Variants in GABRG2 observed in about 807,000 individuals in gnomAD.
GABRG2 encodes the protein gamma-aminobutyric acid receptor subunit gamma-2.
A neutral mutation model predicts 56.4 loss-of-function variants in GABRG2; 16 were observed. That is an observed-to-expected ratio of 0.28 (90% CI 0.19 to 0.43). The LOEUF (loss-of-function observed/expected upper bound fraction) is 0.43. GABRG2 is among the 20% of genes least tolerant of loss of function. The probability of loss-of-function intolerance (pLI) is 1.00; values close to 1 mark genes in which losing one functional copy is unlikely to be tolerated. For missense variants in GABRG2, 327 were observed against 582.7 expected (o/e 0.56, Z 4.52); for synonymous variants, 208 against 205.5 (o/e 1.01, Z -0.10).
At chr5:162,129,594 A>T (rs576928821) in intron 6 of GABRG2, among the ~76,000 whole-genome samples, 12 of 152,102 alleles carry the variant, frequency 7.9e-5, no homozygotes, top group Non-Finnish European at 1.5e-4. Flanking sequence ...AATCTATGAG[A>T]TACAGATGAT....
intron 6 of GABRG2, among the ~76,000 whole-genome samples, chr5:162,106,882 G>A (rs1761870832): frequency 6.8e-6 from 1 of 146,356 alleles, no homozygotes; most frequent in Non-Finnish European, 1.5e-5. Context: ...GGGGGTACAT[G>A]TACAGGTTTG....
intron 6 of GABRG2, among the ~76,000 whole-genome samples, chr5:162,135,181 C>A (rs989015330): frequency 2.0e-5 from 3 of 152,084 alleles, no homozygotes; most frequent in African/African-American, 7.2e-5. Context: ...CTTTACTAAA[C>A]ATAATGCAGC....
chr5:162,102,510 T>TTTG (rs573973136), intron 5 of GABRG2: 16 of 453,908 alleles, frequency 3.5e-5, no homozygotes, highest in Non-Finnish European at 4.8e-5. Flanking sequence ...TATCATCATT[T>TTTG]TTGTTGTTGT....
intron 4 of GABRG2, among the ~76,000 whole-genome samples, chr5:162,100,730 C>T (rs1181282901): frequency 6.6e-6 from 1 of 152,112 alleles, no homozygotes; most frequent in African/African-American, 2.4e-5. Context: ...AGAATTAATG[C>T]CACACCATTG....
intron 5 of GABRG2, chr5:162,103,454 G>A (rs1761583702): frequency 6.3e-6 from 1 of 157,916 alleles, no homozygotes; most frequent in African/African-American, 2.4e-5. Context: ...CTTTGGAGAA[G>A]TTTTGAGTCT....
rs200295068 is a variant in GABRG2 at position 162,139,011 on chromosome 5, TA to T, written c.770-3142del. On this transcript the variant is annotated intron_variant, in intron 6 of 9. Coordinates refer to ENST00000639213, the MANE Select transcript of GABRG2 (RefSeq NM_198904.4). ...CGTATGGTTATTTACCACTACAACT[TA>T]AAAAAAAAAACCTGCCATTGATAGT... Among the ~76,000 whole-genome samples, 651 of 145,664 alleles carry T rather than the reference TA, an allele frequency of 4.5e-3. 8 individuals carry two copies. The highest frequency in any genetic ancestry group is 0.014 in the African/African-American group (575 of 39,928).
intron 1 of GABRG2, among the ~76,000 whole-genome samples, chr5:162,087,116 G>C (rs1760181163): frequency 6.6e-6 from 1 of 152,014 alleles, no homozygotes; most frequent in Non-Finnish European, 1.5e-5. Context: ...AATAAACTAT[G>C]ATAGGGAGGT....
At chr5:162,118,583 G>C (rs139572137) in intron 6 of GABRG2, among the ~76,000 whole-genome samples, 22 of 152,128 alleles carry the variant, frequency 1.4e-4, no homozygotes, top group African/African-American at 4.6e-4. Flanking sequence ...GAATATATTT[G>C]AGCAAAACTC....
intron 1 of GABRG2, among the ~76,000 whole-genome samples, chr5:162,079,177 A>G (rs73304508): frequency 0.015 from 2,232 of 152,250 alleles, 58 homozygotes; most frequent in African/African-American, 0.051. Context: ...ATGGTCCATG[A>G]TGGAAGTCCT....
intron 1 of GABRG2, among the ~76,000 whole-genome samples, chr5:162,069,323 CT>C (rs1417276657): frequency 6.6e-6 from 1 of 152,112 alleles, no homozygotes; most frequent in Non-Finnish European, 1.5e-5. Context: ...CTCTCATATC[CT>C]ACCAATATAA....
intron 1 of GABRG2, among the ~76,000 whole-genome samples, chr5:162,082,967 T>C (rs1188190540): frequency 6.6e-6 from 1 of 151,660 alleles, no homozygotes; most frequent in East Asian, 1.9e-4. Flanking sequence ...TTGTTTACCT[T>C]GAATCTAAAG....
At chr5:162,109,410 ATATATATATATATT>A (rs1314919385) in intron 6 of GABRG2, among the ~76,000 whole-genome samples, 1 of 138,930 alleles carries the variant, frequency 7.2e-6, no homozygotes, top group Non-Finnish European at 1.5e-5. Context: ...ATATATATAT[ATATATATATATATT>A]TATTTATATA....
In GABRG2 at chr5:162,093,909, G is replaced by T. The variant is rs774756037; in HGVS notation, c.189G>T (p.Glu63Asp). 7 of 1,613,150 alleles carry T rather than the reference G, an allele frequency of 4.3e-6. No homozygotes were observed. Among genetic ancestry groups the T allele is most frequent in the Non-Finnish European group, 5.9e-6 (7 of 1,179,516 alleles). ...KTWVLTPKVPEGDVTVILNNL... is the reference protein window; with the variant it reads ...KTWVLTPKVPDGDVTVILNNL... Reference sequence around the variant, plus strand: ...GGGTCTTGACTCCAAAAGTTCCTGAGGGTGATGTCACTGTCATCTTAAACA... The same window carrying T: ...GGGTCTTGACTCCAAAAGTTCCTGATGGTGATGTCACTGTCATCTTAAACA... The change falls in exon 2 of 10, where the codon GAG becomes GAT. Residue 63 changes from glutamate to aspartate, a missense_variant. Coordinates refer to ENST00000639213, the MANE Select transcript of GABRG2 (RefSeq NM_198904.4).
intron 1 of GABRG2, chr5:162,083,535 T>G (rs1300201266): frequency 5.4e-6 from 1 of 184,406 alleles, no homozygotes; most frequent in Non-Finnish European, 1.2e-5. Flanking sequence ...TAAATTGAGA[T>G]TTGAAAATGA....
At position 162,154,493 on chromosome 5, in the gene GABRG2, A is replaced by AT. The variant is rs1292742916; in HGVS notation, c.*1125_*1126insT. 1 of 152,208 alleles carries AT rather than the reference A, an allele frequency of 6.6e-6. No homozygotes were observed. Among genetic ancestry groups the AT allele is most frequent in the Non-Finnish European group, 1.5e-5 (1 of 68,032 alleles). 9.4% of individuals were successfully genotyped at this position (152,208 alleles called of 1,614,324 possible). Reference sequence around the variant, plus strand: ...AAACCAGTGACTCATCTTCTCACATAGGTGTTGTCAAGTGATATTTGATTT... The same window carrying AT: ...AAACCAGTGACTCATCTTCTCACATATGGTGTTGTCAAGTGATATTTGATTT... On this transcript the variant is annotated 3_prime_UTR_variant, in exon 10 of 10. Coordinates refer to ENST00000639213, the MANE Select transcript of GABRG2 (RefSeq NM_198904.4).
At chr5:162,124,338 A>T (rs1372446570) in intron 6 of GABRG2, among the ~76,000 whole-genome samples, 1 of 151,886 alleles carries the variant, frequency 6.6e-6, no homozygotes, top group African/African-American at 2.4e-5. Flanking sequence ...TTTTTTACTG[A>T]TATTCCTGAT....
rs370617210 is a variant in GABRG2 at position 162,134,603 on chromosome 5, G to A, written c.770-7561G>A. Among the ~76,000 whole-genome samples, 8 of 152,244 alleles carry A rather than the reference G, an allele frequency of 5.3e-5. No homozygotes were observed. The East Asian group carries it at 1.2e-3, about 22-fold the overall frequency. Reference sequence around the variant, plus strand: ...ACACAATCAGTTAGTGACAGGATTCGAATTTTGAACCCAGTTAATCTGATA... The same window carrying A: ...ACACAATCAGTTAGTGACAGGATTCAAATTTTGAACCCAGTTAATCTGATA... On this transcript the variant is annotated intron_variant, in intron 6 of 9. Transcript: ENST00000639213.
chr5:162,104,531 T>C (rs1378215925), intron 6 of GABRG2, among the ~76,000 whole-genome samples: 1 of 152,114 alleles, frequency 6.6e-6, no homozygotes, highest in East Asian at 1.9e-4. Context: ...GCATCAGTTA[T>C]AAGCTATAGA....
chr5:162,122,824 A>G (rs1314085306), intron 6 of GABRG2, among the ~76,000 whole-genome samples: 2 of 151,744 alleles, frequency 1.3e-5, no homozygotes, highest in Non-Finnish European at 3.0e-5. Context: ...TTAAAACCTA[A>G]CATAATAGTC....
Sources: gnomAD v4.1 joint callset for allele counts (sites outside exome capture counted in the v4.1 genomes callset) on GRCh38, gnomAD v4.1.1 for gene constraint, MANE v1.5 for transcripts, NCBI Gene and HGNC (gene_info 2026-07-23, HGNC 2026-07-21) for gene names.